Variants in ZMYM2 observed in about 807,000 individuals in gnomAD.
ZMYM2 encodes the protein zinc finger MYM-type containing 2, also known as zinc finger MYM-type protein 2.
Under a neutral mutation model 162.8 loss-of-function variants are expected in ZMYM2, and 56 were observed. The observed-to-expected ratio is 0.34, with a 90% CI of 0.28 to 0.43. ZMYM2 has a LOEUF of 0.43. ZMYM2 is among the 20% of genes least tolerant of loss of function. The pLI is 1.00. For missense variants in ZMYM2, 1,275 were observed against 1,621.8 expected (o/e 0.79, Z 3.67); for synonymous variants, 510 against 541.6 (o/e 0.94, Z 0.81).
At chr13:19,983,458 A>G (rs1221467125) in intron 2 of ZMYM2, among the ~76,000 whole-genome samples, 2 of 151,202 alleles carry the variant, frequency 1.3e-5, no homozygotes, top group African/African-American at 4.9e-5. Flanking sequence ...ACATTTTTAT[A>G]TTTCTTCATT....
At chr13:19,966,790 T>C (rs1955830782) in intron 2 of ZMYM2, among the ~76,000 whole-genome samples, 2 of 152,224 alleles carry the variant, frequency 1.3e-5, no homozygotes. Flanking sequence ...TAATTAGTTA[T>C]AGGAAAATCA....
chr13:20,052,391 T>G (rs1263133670), intron 14 of ZMYM2, 80 bp downstream of exon 14: 1 of 1,335,634 alleles, frequency 7.5e-7, no homozygotes, highest in Non-Finnish European at 1.0e-6. Flanking sequence ...TTTAATGTGA[T>G]CATAATAGTA....
chr13:19,991,056 GTGTGTGTGTACGTATGTATTTTC>G (rs202019456), intron 2 of ZMYM2, among the ~76,000 whole-genome samples: 15,896 of 139,912 alleles, frequency 0.11, 865 homozygotes, highest in Non-Finnish European at 0.16. Flanking sequence ...CTCTGTGTGT[GTGTGTGTGTACGTATGTATTTTC>G]TGTGTGTGTG....
At chr13:20,064,327 G>C (rs1479125019) in intron 18 of ZMYM2, 124 bp from the exon 19 acceptor site, 2 of 661,626 alleles carry the variant, frequency 3.0e-6, no homozygotes, top group Non-Finnish European at 4.7e-6. Context: ...TTACTCCCCA[G>C]CCCAGCCTAG....
chr13:19,978,467 AGGGCAATGGTGCAATCTT>A (rs1431210600), intron 2 of ZMYM2, among the ~76,000 whole-genome samples: 1 of 151,666 alleles, frequency 6.6e-6, no homozygotes, highest in African/African-American at 2.4e-5. Context: ...CCCAGGCTGG[AGGGCAATGGTGCAATCTT>A]GGCTCACCAC....
the ZMYM2 span, among the ~76,000 whole-genome samples, chr13:19,891,660 C>T: frequency 6.6e-6 from 1 of 151,102 alleles, no homozygotes; most frequent in Non-Finnish European, 1.5e-5. Context: ...TACCTGTACT[C>T]CTACCTGCTG....
chr13:19,988,576 G>A (rs1388242040), intron 2 of ZMYM2, among the ~76,000 whole-genome samples: 1 of 152,114 alleles, frequency 6.6e-6, no homozygotes, highest in Non-Finnish European at 1.5e-5. Flanking sequence ...GAGGTCAAGA[G>A]ATCAAGACCA....
At chr13:20,028,201 T>G (rs1217538000) in intron 9 of ZMYM2, 2 of 159,420 alleles carry the variant, frequency 1.3e-5, no homozygotes, top group Non-Finnish European at 2.8e-5. Context: ...ATAGTAATAT[T>G]CTCACTGAGC....
the ZMYM2 span, among the ~76,000 whole-genome samples, chr13:19,916,153 A>C: frequency 6.6e-6 from 1 of 151,980 alleles, no homozygotes; most frequent in Admixed American, 6.6e-5. Flanking sequence ...AAGCCACCGC[A>C]CCCACCCGAG....
At chr13:19,895,112 T>G in the ZMYM2 span, among the ~76,000 whole-genome samples, 1 of 150,354 alleles carries the variant, frequency 6.7e-6, no homozygotes, top group African/African-American at 2.5e-5. Context: ...ATTAACATAT[T>G]CTAAAAATAG....
chr13:20,030,980 TGTTA>T (rs1248025698), intron 9 of ZMYM2, among the ~76,000 whole-genome samples: 5 of 152,326 alleles, frequency 3.3e-5, no homozygotes, highest in East Asian at 1.9e-4. Flanking sequence ...TTTAAACTTC[TGTTA>T]GTTCAGAACG....
In ZMYM2 at chr13:20,057,104, G is replaced by A. The variant is rs557987280; in HGVS notation, c.2494-1471G>A. 3.3e-5 allele frequency among the ~76,000 whole-genome samples: 5 copies of A among 152,048 alleles called. No homozygotes were observed. In the East Asian group the frequency reaches 9.7e-4, roughly 29 times the overall value. On this transcript the variant is annotated intron_variant, in intron 14 of 24. Transcript: ENST00000610343. ...GTGAAATTTTATTAATGTTTGTTTT[G>A]TTTTTGCTTTGTTCTTGAGACAAAG... is the stretch of plus-strand genomic sequence containing the variant.
At position 20,005,076 on chromosome 13, in the gene ZMYM2, A is replaced by C; in HGVS notation, c.1136A>C (p.Asp379Ala). Residue 379 changes from aspartate (D) to alanine (A), a missense_variant and splice_region_variant, in exon 5 of 25, where the codon GAT becomes GCT. By Grantham distance (126) the Asp-to-Ala change is moderately radical. Around this residue, in one of 10 missense-constraint regions of ZMYM2, gnomAD observed 115 missense variants for 175.3 expected, o/e 0.66. Coordinates refer to ENST00000610343, the MANE Select transcript of ZMYM2 (RefSeq NM_197968.4). Reference sequence around the variant, plus strand: ...AATATGTACCACTTATTTTTCAGAGATATAACTACAATGAAAGGAACCATT... The same window carrying C: ...AATATGTACCACTTATTTTTCAGAGCTATAACTACAATGAAAGGAACCATT... ...PKKLCVMCKK[D>A]ITTMKGTIVA... The C allele has an allele frequency of 1.2e-6, 2 of 1,600,312 alleles. No homozygotes were observed. Among genetic ancestry groups the C allele is most frequent in the East Asian group, 2.3e-5 (1 of 44,066 alleles).
intron 2 of ZMYM2, among the ~76,000 whole-genome samples, chr13:19,978,761 T>A (rs988526989): frequency 6.6e-6 from 1 of 152,158 alleles, no homozygotes; most frequent in Admixed American, 6.5e-5. Context: ...TATAAAAAAA[T>A]TAATTATAAA....
intron 2 of ZMYM2, among the ~76,000 whole-genome samples, chr13:19,988,306 A>G (rs1314023606): frequency 6.6e-6 from 1 of 152,238 alleles, no homozygotes; most frequent in Non-Finnish European, 1.5e-5. Flanking sequence ...ATAATACAGT[A>G]TATATAAACT....
the ZMYM2 span, among the ~76,000 whole-genome samples, chr13:19,936,315 C>G: frequency 1.3e-5 from 2 of 152,132 alleles, no homozygotes; most frequent in African/African-American, 4.8e-5. Context: ...GCTACATAAA[C>G]TATTTTACTC....
chr13:20,051,292 T>A, intron 12 of ZMYM2, 141 bp from the exon 13 acceptor site: 1 of 734,250 alleles, frequency 1.4e-6, no homozygotes. Context: ...TAGATTTTAC[T>A]GTTTACAAAT....
the ZMYM2 span, among the ~76,000 whole-genome samples, chr13:19,896,033 A>ATTT: frequency 0.65 from 95,632 of 147,172 alleles, 33,950 homozygotes; most frequent in East Asian, 0.87. Context: ...TTCTGATTCC[A>ATTT]TTTTTTTTTT....
chr13:19,869,544 T>G, the ZMYM2 span, among the ~76,000 whole-genome samples: 1 of 152,096 alleles, frequency 6.6e-6, no homozygotes, highest in Non-Finnish European at 1.5e-5. Flanking sequence ...TCCTAGCACT[T>G]TGGGAGGCCG....
Sources: allele counts gnomAD v4.1 joint callset (sites outside exome capture counted in the v4.1 genomes callset), GRCh38; gene constraint gnomAD v4.1.1; regional missense constraint gnomAD v4.1.1; transcripts MANE v1.5; gene names NCBI Gene and HGNC (gene_info 2026-07-23, HGNC 2026-07-21).